The following SNX4 variants were observed in gnomAD, a reference collection of about 807,000 sequenced individuals.
The protein encoded by SNX4 is sorting nexin-4.
Under a neutral mutation model 70.8 loss-of-function variants are expected in SNX4, and 49 were observed. The ratio of observed to expected loss-of-function variants is 0.69; its 90% CI spans 0.55 to 0.88. SNX4 has a LOEUF of 0.88. SNX4 is among the 40% of genes least tolerant of loss of function. SNX4 has a pLI of 0.00. For missense variants in SNX4, 528 were observed against 544.8 expected, an observed-to-expected ratio of 0.97 and a Z score of 0.31; for synonymous variants, 206 against 183.8, an observed-to-expected ratio of 1.12 and a Z score of -0.98.
At chr3:125,454,935 CTT>C (rs919156127) in intron 11 of SNX4, among the ~76,000 whole-genome samples, 1 of 146,402 alleles carries the variant, frequency 6.8e-6, no homozygotes, top group Non-Finnish European at 1.5e-5. Flanking sequence ...AACTGAATTT[CTT>C]TTTTTTTTTG....
In SNX4 at chr3:125,466,146, T is replaced by C. The variant is rs575204272; in HGVS notation, c.854+3308A>G. ...TGTTTTGATGTTATCATAAATAGCA[T>C]TATTTTAAATTTTTTATTTTCAAAT... On this transcript the variant is annotated intron_variant, in intron 9 of 13. Coordinates refer to ENST00000251775, the MANE Select transcript of SNX4 (RefSeq NM_003794.4). 2.9e-4 allele frequency among the ~76,000 whole-genome samples: 44 copies of C among 149,246 alleles called. No individual in the cohort carries two copies. The South Asian group carries it at 7.7e-3, about 26-fold the overall frequency.
At chr3:125,456,851 G>C (rs1432940122) in intron 11 of SNX4, among the ~76,000 whole-genome samples, 1 of 151,938 alleles carries the variant, frequency 6.6e-6, no homozygotes. Context: ...AGTAGAGATC[G>C]GGTTTCACCA....
At chr3:125,504,320 G>A (rs1425917870) in intron 2 of SNX4, among the ~76,000 whole-genome samples, 3 of 144,166 alleles carry the variant, frequency 2.1e-5, no homozygotes, top group African/African-American at 7.8e-5. Flanking sequence ...GCGAAAGAGT[G>A]AGACTCCATC....
At chr3:125,478,070 TTAC>T (rs1397422629) in intron 7 of SNX4, among the ~76,000 whole-genome samples, 8 of 145,974 alleles carry the variant, frequency 5.5e-5, no homozygotes, top group African/African-American at 8.0e-5. Context: ...CTTATTATTA[TTAC>T]TATTATTATT....
intron 6 of SNX4, among the ~76,000 whole-genome samples, chr3:125,481,304 CA>C (rs1332054822): frequency 4.6e-5 from 7 of 152,160 alleles, no homozygotes; most frequent in Admixed American, 2.6e-4. Context: ...TCCTCCTCCT[CA>C]AAAATCTGTT....
At chr3:125,450,222 A>C (rs1032650331) in intron 13 of SNX4, among the ~76,000 whole-genome samples, 2 of 152,248 alleles carry the variant, frequency 1.3e-5, no homozygotes, top group Non-Finnish European at 1.5e-5. Context: ...TAGCACCTGC[A>C]GACTCAACAG....
At chr3:125,495,618 C>T (rs1207844800) in intron 5 of SNX4, among the ~76,000 whole-genome samples, 1 of 152,036 alleles carries the variant, frequency 6.6e-6, no homozygotes, top group Non-Finnish European at 1.5e-5. Flanking sequence ...AGCACCTACA[C>T]ATAAGATTCA....
Position 125,520,160 on chromosome 3 carries a change from G to C in SNX4, c.13C>G (p.Pro5Ala). The C allele has an allele frequency of 7.1e-7, 1 of 1,410,198 alleles. No homozygotes were observed. The highest frequency in any genetic ancestry group is 9.2e-7 in the Non-Finnish European group (1 of 1,087,946). 87.4% of individuals were successfully genotyped at this position (1,410,198 alleles called of 1,614,324 possible). The part of the protein sequence containing the change: MEQA[P>A]PDPERQLQPA... ...TGGAGCTGCCGCTCGGGGTCCGGAG[G>C]TGCCTGCTCCATGGCTGCAGTTCGG... Residue 5 changes from proline (P) to alanine (A), a missense_variant, in exon 1 of 14, where the codon CCT (proline) becomes GCT (alanine). Pro to Ala is a conservative substitution (Grantham distance 27). Transcript: ENST00000251775.
chr3:125,504,760 T>C lies in SNX4; in HGVS notation c.142-16A>G. 1 of 1,609,404 alleles carries C rather than the reference T, an allele frequency of 6.2e-7. No homozygotes were observed. Among genetic ancestry groups the C allele is most frequent in the South Asian group, 1.1e-5 (1 of 90,312 alleles). On this transcript the variant is annotated splice_polypyrimidine_tract_variant and intron_variant, in intron 1 of 13. Coordinates refer to ENST00000251775, the MANE Select transcript of SNX4 (RefSeq NM_003794.4). ...TGTGTGTCATCTGGACAAAAGTAAA[T>C]AAAACAACAACAACAACAAAAACCT...
At chr3:125,517,039 T>C (rs1351449776) in intron 1 of SNX4, 1 of 152,186 alleles carries the variant, frequency 6.6e-6, no homozygotes, top group Non-Finnish European at 1.5e-5. Context: ...TCAAACTCTT[T>C]GTTCTACTGT....
chr3:125,508,305 C>T (rs934954706), intron 1 of SNX4, among the ~76,000 whole-genome samples: 5 of 152,170 alleles, frequency 3.3e-5, no homozygotes, highest in African/African-American at 4.8e-5. Context: ...CGGTGGCTCA[C>T]GCCTGTAATC....
Position 125,452,062 on chromosome 3 carries a change from G to A in SNX4, c.1191-643C>T, listed in dbSNP as rs6771688. 4.5e-3 allele frequency among the ~76,000 whole-genome samples: 681 copies of A among 151,948 alleles called. 3 individuals carry two copies. Among genetic ancestry groups the A allele is most frequent in the African/African-American group, 0.016 (657 of 41,454 alleles). ...AAGTAAGTGCCTTCCAGGGGTCACT[G>A]GAAAATATACACTCTTTTGACAAGA... is the stretch of plus-strand genomic sequence containing the variant. On this transcript the variant is annotated intron_variant, in intron 12 of 13. Transcript: ENST00000251775.
At chr3:125,461,700 C>T (rs529385389) in intron 9 of SNX4, among the ~76,000 whole-genome samples, 27 of 148,818 alleles carry the variant, frequency 1.8e-4, no homozygotes, top group Non-Finnish European at 3.0e-4. Context: ...CTCACTTTGT[C>T]GCCCAGGCTG....
At chr3:125,464,857 G>A (rs1440144328) in intron 9 of SNX4, among the ~76,000 whole-genome samples, 1 of 151,962 alleles carries the variant, frequency 6.6e-6, no homozygotes, top group Non-Finnish European at 1.5e-5. Context: ...TAATTCTCCT[G>A]CCTCAGCTTC....
chr3:125,457,436 G>A (rs777369213), intron 10 of SNX4, 71 bp from the exon 11 acceptor site: 116 of 1,144,110 alleles, frequency 1.0e-4, no homozygotes, highest in Non-Finnish European at 1.4e-4. Flanking sequence ...CAAGGGTAGA[G>A]GAGAACCATT....
At chr3:125,519,698 AC>A (rs1461386217) in intron 1 of SNX4, among the ~76,000 whole-genome samples, 1 of 145,422 alleles carries the variant, frequency 6.9e-6, no homozygotes, top group African/African-American at 2.6e-5. Flanking sequence ...ACCACTGAAA[AC>A]CCCCTCCTCC....
rs71148180 is a variant in SNX4 at position 125,458,814 on chromosome 3, C to CAAAAAAAAAAAAAAAA, written c.945-1465_945-1450dup. Among the ~76,000 whole-genome samples the CAAAAAAAAAAAAAAAA allele has an allele frequency of 2.5e-4, 16 of 64,532 alleles. 1 individual carries two copies. The highest frequency in any genetic ancestry group is 8.2e-4 in the African/African-American group (13 of 15,870). The allele number at this position is 64,532 out of a possible 152,430, so 42.3% of individuals were successfully genotyped here. A position where few individuals can be genotyped will look rare whatever the true frequency, so the allele number is the denominator to read the frequency against. ...TGGGTGAAAGAGCGAGACTCCGTCTCAAAAAAAAAAAAAAAAAAAAAAAAA... is the reference window on the plus strand; with the variant it reads ...TGGGTGAAAGAGCGAGACTCCGTCTCAAAAAAAAAAAAAAAAAAAAAAAAAAAAAAAAAAAAAAAAA... On this transcript the variant is annotated intron_variant, in intron 10 of 13. Coordinates refer to ENST00000251775, the MANE Select transcript of SNX4 (RefSeq NM_003794.4).
At chr3:125,467,371 A>G (rs1276631954) in intron 9 of SNX4, among the ~76,000 whole-genome samples, 1 of 152,166 alleles carries the variant, frequency 6.6e-6, no homozygotes, top group Non-Finnish European at 1.5e-5. Context: ...TGGGTGACAG[A>G]GTGAGACTCC....
At chr3:125,486,579 T>C (rs960673656) in intron 6 of SNX4, among the ~76,000 whole-genome samples, 2 of 152,132 alleles carry the variant, frequency 1.3e-5, no homozygotes, top group Non-Finnish European at 2.9e-5. Context: ...TGAGCTGAGA[T>C]AGCAGCACTG....
Sources: allele counts gnomAD v4.1 joint callset (sites outside exome capture counted in the v4.1 genomes callset), GRCh38; gene constraint gnomAD v4.1.1; transcripts MANE v1.5; gene names NCBI Gene and HGNC (gene_info 2026-07-23, HGNC 2026-07-21).